FRMD3: variants seen among roughly 807,000 people sequenced by gnomAD.
The protein encoded by FRMD3 is FERM domain-containing protein 3.
Under a neutral mutation model 70.2 loss-of-function variants are expected in FRMD3, and 33 were observed. The observed-to-expected ratio is 0.47, with a 90% CI of 0.36 to 0.63. The LOEUF (loss-of-function observed/expected upper bound fraction) is 0.63. Among genes scored for constraint, FRMD3 ranks in the 20% least tolerant of loss-of-function variants. FRMD3 has a pLI of 0.00. For synonymous variants in FRMD3, 279 were observed against 255.9 expected (o/e 1.09, Z -0.86); for missense variants, 632 against 711.4 (o/e 0.89, Z 1.27).
chr9:83,536,930 T>TAAAAAAAAAAAAAAAAAAAAAAAAAAAA (rs142272516), intron 1 of FRMD3, among the ~76,000 whole-genome samples: 1 of 60,898 alleles, frequency 1.6e-5, no homozygotes, highest in African/African-American at 6.1e-5. Context: ...TGTATTACAC[T>TAAAAAAAAAAAAAAAAAAAAAAAAAAAA]AAAAAAAAAA....
At chr9:83,345,027 C>T (rs61385702) in intron 4 of FRMD3, among the ~76,000 whole-genome samples, 6,396 of 152,186 alleles carry the variant, frequency 0.042, 211 homozygotes, top group East Asian at 0.18. Flanking sequence ...GTCACAGGGA[C>T]GCTGTCAACC....
In FRMD3 at chr9:83,290,598, C is replaced by T. The variant is rs1834377889; in HGVS notation, c.1195+5G>A. On this transcript the variant is annotated splice_donor_5th_base_variant and intron_variant, in intron 13 of 13. Transcript: ENST00000304195. Reference sequence around the variant, plus strand: ...CCAGCATTTGGGATGAAGAGACAGACTTACCCTCACCCAGAGGAAGTTCTT... The same window carrying T: ...CCAGCATTTGGGATGAAGAGACAGATTTACCCTCACCCAGAGGAAGTTCTT... 1.2e-6 allele frequency: 2 copies of T among 1,613,930 alleles called. No individual in the cohort carries two copies. The highest frequency in any genetic ancestry group is 1.7e-5 in the Admixed American group (1 of 59,996).
At chr9:83,332,713 CAGGA>C (rs1345469893) in intron 6 of FRMD3, among the ~76,000 whole-genome samples, 4 of 152,146 alleles carry the variant, frequency 2.6e-5, no homozygotes, top group Non-Finnish European at 5.9e-5. Flanking sequence ...ATTCAGAAAG[CAGGA>C]AGGAAGAAGG....
intron 1 of FRMD3, among the ~76,000 whole-genome samples, chr9:83,404,458 A>C (rs753721125): frequency 6.6e-5 from 10 of 152,238 alleles, no homozygotes; most frequent in African/African-American, 9.6e-5. Context: ...TTTCTAAAGA[A>C]CATTTTCACC....
chr9:83,529,702 A>G (rs1459360350), intron 1 of FRMD3, among the ~76,000 whole-genome samples: 3 of 152,254 alleles, frequency 2.0e-5, no homozygotes, highest in Non-Finnish European at 4.4e-5. Flanking sequence ...AGAAAGTAAA[A>G]GATATCCCAC....
the FRMD3 span, among the ~76,000 whole-genome samples, chr9:83,585,125 G>A: frequency 2.0e-5 from 3 of 152,206 alleles, no homozygotes; most frequent in South Asian, 2.1e-4. Flanking sequence ...CTTTGTGGGC[G>A]GTGGCAGCAG....
chr9:83,416,776 T>A (rs538163809), intron 1 of FRMD3, among the ~76,000 whole-genome samples: 15,773 of 135,356 alleles, frequency 0.12, 812 homozygotes, highest in South Asian at 0.14. Context: ...TCTCTCTCTC[T>A]CTCTCTCTCT....
chr9:83,554,967 G>T, the FRMD3 span, among the ~76,000 whole-genome samples: 1 of 152,222 alleles, frequency 6.6e-6, no homozygotes, highest in Non-Finnish European at 1.5e-5. Flanking sequence ...AAATGACAAA[G>T]ATAGCAGGCA....
Position 83,449,336 on chromosome 9 carries a change from G to A in FRMD3, c.148-59628C>T, listed in dbSNP as rs189612534. ...GCTGAGAGGCCTGCCCACTGCCTCC[G>A]GGAAGACAGAATGAGGCCAGTGAAC... On this transcript the variant is annotated intron_variant, in intron 1 of 13. Transcript: ENST00000304195. Among the ~76,000 whole-genome samples the A allele has an allele frequency of 1.2e-4, 18 of 152,288 alleles. No individual in the cohort carries two copies. The East Asian group carries it at 2.3e-3, about 20-fold the overall frequency.
chr9:83,404,563 G>A (rs959740871), intron 1 of FRMD3, among the ~76,000 whole-genome samples: 3 of 152,118 alleles, frequency 2.0e-5, no homozygotes, highest in Non-Finnish European at 2.9e-5. Flanking sequence ...TGTAAAATCA[G>A]AGCCCCTCTC....
At chr9:83,456,799 G>A (rs577939706) in intron 1 of FRMD3, among the ~76,000 whole-genome samples, 11 of 152,178 alleles carry the variant, frequency 7.2e-5, no homozygotes, top group African/African-American at 2.2e-4. Context: ...GGGCAAAATG[G>A]CAAGACCCTG....
chr9:83,291,771 G>C (rs1834429123), intron 12 of FRMD3, among the ~76,000 whole-genome samples: 2 of 152,164 alleles, frequency 1.3e-5, no homozygotes, highest in African/African-American at 2.4e-5. Flanking sequence ...GTTCAGGTTT[G>C]AAACTAAAGT....
chr9:83,350,623 C>CAAAAAAAAAAAAAAAAAAAAAAAAAA (rs761012697), intron 3 of FRMD3: 1 of 199,260 alleles, frequency 5.0e-6, no homozygotes, highest in Non-Finnish European at 6.5e-6. Context: ...AACTCCATCT[C>CAAAAAAAAAAAAAAAAAAAAAAAAAA]AAAAAAAAAA....
intron 12 of FRMD3, among the ~76,000 whole-genome samples, chr9:83,293,222 T>C (rs1341800853): frequency 6.6e-6 from 1 of 152,014 alleles, no homozygotes; most frequent in African/African-American, 2.4e-5. Context: ...CCATGAGCAG[T>C]TTCTTCTTTT....
intron 1 of FRMD3, among the ~76,000 whole-genome samples, chr9:83,431,062 T>G (rs1826961767): frequency 6.6e-6 from 1 of 152,272 alleles, no homozygotes; most frequent in Non-Finnish European, 1.5e-5. Context: ...AAGTTCATTC[T>G]GAGCAAAACA....
chr9:83,371,770 C>T (rs1824981716), intron 3 of FRMD3, among the ~76,000 whole-genome samples: 1 of 152,122 alleles, frequency 6.6e-6, no homozygotes, highest in Non-Finnish European at 1.5e-5. Context: ...AACCATCCTT[C>T]CTCACTAACC....
At chr9:83,374,552 C>A (rs1462032524) in intron 2 of FRMD3, among the ~76,000 whole-genome samples, 1 of 152,164 alleles carries the variant, frequency 6.6e-6, no homozygotes, top group Non-Finnish European at 1.5e-5. Context: ...ATTGATTATA[C>A]CACTTACCAG....
rs149034454 is a variant in FRMD3 at position 83,455,457 on chromosome 9, C to T, written c.148-65749G>A. 5.9e-3 allele frequency among the ~76,000 whole-genome samples: 900 copies of T among 152,220 alleles called. 5 individuals are homozygous for T. The highest frequency in any genetic ancestry group is 0.031 in the Middle Eastern group (9 of 294). ...ATTAAGTCTCACGTGCTCTGATGGGCTTATCAGGGGTTGCCACTTTTGCTT... is the reference window on the plus strand; with the variant it reads ...ATTAAGTCTCACGTGCTCTGATGGGTTTATCAGGGGTTGCCACTTTTGCTT... On this transcript the variant is annotated intron_variant, in intron 1 of 13. Transcript: ENST00000304195.
At chr9:83,539,883 A>C (rs1398177329), upstream of FRMD3, among the ~76,000 whole-genome samples, 1 of 152,204 alleles carries the variant, frequency 6.6e-6, no homozygotes, top group Non-Finnish European at 1.5e-5. Context: ...TTTAGATGAT[A>C]GTATGGGGCA....
Sources: allele counts gnomAD v4.1 joint callset (sites outside exome capture counted in the v4.1 genomes callset), GRCh38; gene constraint gnomAD v4.1.1; transcripts MANE v1.5; gene names NCBI Gene and HGNC (gene_info 2026-07-23, HGNC 2026-07-21).